The following ARHGAP31 variants were observed in gnomAD, a reference collection of about 807,000 sequenced individuals.
ARHGAP31 encodes the protein Rho GTPase activating protein 31, also known as rho GTPase-activating protein 31.
ARHGAP31 carries 34 observed loss-of-function variants against 113.9 expected under a neutral mutation model. That is an observed-to-expected ratio of 0.30 (90% confidence interval 0.23 to 0.40). ARHGAP31 has a LOEUF of 0.40. Ranked by LOEUF, ARHGAP31 falls within the 10% of genes least tolerant of loss-of-function variation. The pLI is 1.00. For missense variants in ARHGAP31, 1,548 were observed against 1,767.1 expected (o/e 0.88, Z 2.22); for synonymous variants, 650 against 684.8 (o/e 0.95, Z 0.79).
At chr3:119,301,331 A>G (rs1481974447) in intron 1 of ARHGAP31, among the ~76,000 whole-genome samples, 1 of 152,174 alleles carries the variant, frequency 6.6e-6, no homozygotes, top group African/African-American at 2.4e-5. Flanking sequence ...CCTACCCTGA[A>G]GCTAAGAACA....
At chr3:119,375,673 G>A (rs549389924) in intron 3 of ARHGAP31, among the ~76,000 whole-genome samples, 16 of 152,092 alleles carry the variant, frequency 1.1e-4, no homozygotes, top group African/African-American at 3.9e-4. Context: ...TGTTCAGATC[G>A]GTCCAGCTAA....
chr3:119,382,196 G>C, intron 4 of ARHGAP31, 96 bp from the exon 5 acceptor site: 4 of 1,118,414 alleles, frequency 3.6e-6, no homozygotes, highest in Non-Finnish European at 5.5e-6. Context: ...GAAATATTTA[G>C]AGTCTCTTAA....
At chr3:119,412,337 G>A (rs1322070569) in intron 11 of ARHGAP31, among the ~76,000 whole-genome samples, 8 of 150,934 alleles carry the variant, frequency 5.3e-5, no homozygotes, top group South Asian at 2.1e-4. Flanking sequence ...GCAATGAGCC[G>A]AAATCATGCC....
intron 1 of ARHGAP31, among the ~76,000 whole-genome samples, chr3:119,306,556 CAA>C (rs59254294): frequency 6.6e-6 from 1 of 151,054 alleles, no homozygotes; most frequent in African/African-American, 2.4e-5. Flanking sequence ...GACTTTGTCT[CAA>C]AAAAAAAGTT....
chr3:119,415,331 C>G lies in ARHGAP31; in HGVS notation c.3402C>G (p.Val1134=), dbSNP rs777890287. Residue 1134 remains valine (V), a synonymous_variant, in exon 12 of 12, where the codon GTC becomes GTG. Coordinates refer to ENST00000264245, the MANE Select transcript of ARHGAP31 (RefSeq NM_020754.4). ...CATTTAGTTCACCTGGAATGCAGGT[C>G]TCTGAGCCAGGAGACCCAAAGGTCA... The part of the protein sequence containing the change: ...VASFSSPGMQ[V]SEPGDPKVTW... 1.2e-6 allele frequency: 2 copies of G among 1,614,158 alleles called. No homozygotes were observed. The highest frequency in any genetic ancestry group is 4.5e-5 in the East Asian group (2 of 44,884).
At chr3:119,408,801 C>G (rs1345206869) in intron 10 of ARHGAP31, among the ~76,000 whole-genome samples, 1 of 152,158 alleles carries the variant, frequency 6.6e-6, no homozygotes, top group African/African-American at 2.4e-5. Flanking sequence ...AGAGGCCAAA[C>G]TTGAGATCTG....
At chr3:119,403,899 C>T (rs1369569702) in intron 10 of ARHGAP31, among the ~76,000 whole-genome samples, 1 of 152,190 alleles carries the variant, frequency 6.6e-6, no homozygotes, top group East Asian at 1.9e-4. Flanking sequence ...ATCTGCAAAG[C>T]TGGGGAGACT....
chr3:119,327,205 C>A (rs1322150926), intron 1 of ARHGAP31, among the ~76,000 whole-genome samples: 2 of 152,052 alleles, frequency 1.3e-5, no homozygotes, highest in East Asian at 3.9e-4. Context: ...AGTGGGACTC[C>A]CTTTATTTAA....
In ARHGAP31 at chr3:119,415,637, C is replaced by T; in HGVS notation, c.3708C>T (p.Pro1236=). ...VQPLERSQEG[P]SSTSGTTQKP... ...CTCTGGAGAGGAGCCAGGAGGGACC[C>T]AGCTCAACCAGTGGGACCACTCAGA... is the stretch of plus-strand genomic sequence containing the variant. The change falls in exon 12 of 12, where the codon CCC becomes CCT. Residue 1236 remains proline (P), a synonymous_variant. Coordinates refer to ENST00000264245, the MANE Select transcript of ARHGAP31 (RefSeq NM_020754.4). 1 of 1,614,124 alleles carries T rather than the reference C, an allele frequency of 6.2e-7. No individual in the cohort carries two copies. Among genetic ancestry groups the T allele is most frequent in the Non-Finnish European group, 8.5e-7 (1 of 1,180,014 alleles).
At chr3:119,407,972 TAAACAATACAG>T (rs2080680237) in intron 10 of ARHGAP31, among the ~76,000 whole-genome samples, 1 of 152,224 alleles carries the variant, frequency 6.6e-6, no homozygotes, top group Non-Finnish European at 1.5e-5. Flanking sequence ...CATTATTTCT[TAAACAATACAG>T]TATAACAGCT....
intron 8 of ARHGAP31, among the ~76,000 whole-genome samples, chr3:119,394,171 T>C (rs72966434): frequency 0.17 from 26,342 of 152,146 alleles, 3,852 homozygotes; most frequent in African/African-American, 0.4. Context: ...TGTGTTATAT[T>C]AGGAGGTACA....
intron 1 of ARHGAP31, among the ~76,000 whole-genome samples, chr3:119,341,142 C>T (rs527618371): frequency 6.6e-6 from 1 of 152,158 alleles, no homozygotes; most frequent in African/African-American, 2.4e-5. Flanking sequence ...CATATATTCT[C>T]TTAGCCAGGA....
chr3:119,353,124 A>G (rs953378229), intron 1 of ARHGAP31, among the ~76,000 whole-genome samples: 4 of 152,168 alleles, frequency 2.6e-5, no homozygotes, highest in African/African-American at 9.7e-5. Flanking sequence ...CCAGTGTCAG[A>G]GTTCTTATTG....
At chr3:119,371,901 C>G (rs1377471816) in intron 3 of ARHGAP31, among the ~76,000 whole-genome samples, 1 of 152,132 alleles carries the variant, frequency 6.6e-6, no homozygotes, top group Admixed American at 6.5e-5. Flanking sequence ...AGGATAATGG[C>G]CCCCAGCTTC....
In ARHGAP31 at chr3:119,332,629, TCTCTCTCACACACA is replaced by T. The variant is rs1187192666; in HGVS notation, c.101-32685_101-32672del. Among the ~76,000 whole-genome samples, 396 of 120,546 alleles carry T rather than the reference TCTCTCTCACACACA, an allele frequency of 3.3e-3. 1 individual carries two copies. The highest frequency in any genetic ancestry group is 0.012 in the Middle Eastern group (3 of 250). 79.1% of individuals were successfully genotyped at this position (120,546 alleles called of 152,430 possible). ...TTCTCTCTCTCTCTCTCTCTCTCTC[TCTCTCTCACACACA>T]CACACACACACACACACACACACAC... On this transcript the variant is annotated intron_variant, in intron 1 of 11. Coordinates refer to ENST00000264245, the MANE Select transcript of ARHGAP31 (RefSeq NM_020754.4).
chr3:119,391,251 G>A (rs1433411179), intron 7 of ARHGAP31, among the ~76,000 whole-genome samples: 3 of 152,170 alleles, frequency 2.0e-5, no homozygotes, highest in Non-Finnish European at 2.9e-5. Flanking sequence ...TATTATAGGG[G>A]TCACATCACA....
chr3:119,294,955 C>A lies in ARHGAP31; in HGVS notation c.51C>A (p.Ser17Arg). 2 of 1,614,090 alleles carry A rather than the reference C, an allele frequency of 1.2e-6. No individual in the cohort carries two copies. Among genetic ancestry groups the A allele is most frequent in the Non-Finnish European group, 1.7e-6 (2 of 1,180,014 alleles). Residue 17 changes from serine to arginine, a missense_variant, in exon 1 of 12, where the codon AGC becomes AGA. Physicochemically the swap from Ser to Arg is moderately radical, Grantham distance 110. Coordinates refer to ENST00000264245, the MANE Select transcript of ARHGAP31 (RefSeq NM_020754.4). The stretch of plus-strand genomic sequence containing the variant: ...AGCTGAAACGAAAGGGAGCCGCCAG[C>A]GCGTTTGGCTGTGACCTGACGGAGT... The part of the protein sequence containing the change: ...KQKLKRKGAA[S>R]AFGCDLTEYL...
At chr3:119,370,462 A>G (rs1161833670) in intron 3 of ARHGAP31, among the ~76,000 whole-genome samples, 3 of 152,206 alleles carry the variant, frequency 2.0e-5, no homozygotes, top group African/African-American at 4.8e-5. Context: ...TAATACAGAA[A>G]TGTATAAAGG....
In ARHGAP31 at chr3:119,415,096, A is replaced by G. The variant is rs1337303643; in HGVS notation, c.3167A>G (p.Gln1056Arg). Reference sequence around the variant, plus strand: ...ACACACCTGGGGCACAGCAGTCCACAGATTAGGCAAGGTGGTGTTCCTGGG... The same window carrying G: ...ACACACCTGGGGCACAGCAGTCCACGGATTAGGCAAGGTGGTGTTCCTGGG... ...LGTHLGHSSP[Q>R]IRQGGVPGPE... Residue 1056 changes from glutamine to arginine, a missense_variant, in exon 12 of 12, where the codon CAG (glutamine) becomes CGG (arginine). Transcript: ENST00000264245. 3.4e-5 allele frequency: 55 copies of G among 1,614,100 alleles called. No homozygotes were observed. Among genetic ancestry groups the G allele is most frequent in the Non-Finnish European group, 4.5e-5 (53 of 1,180,048 alleles).
Sources: allele counts gnomAD v4.1 joint callset (sites outside exome capture counted in the v4.1 genomes callset), GRCh38; gene constraint gnomAD v4.1.1; transcripts MANE v1.5; gene names NCBI Gene and HGNC (gene_info 2026-07-23, HGNC 2026-07-21).